PSIP1: variants seen among roughly 807,000 people sequenced by gnomAD.
The protein encoded by PSIP1 is PC4 and SFRS1-interacting protein.
PSIP1 carries 19 observed loss-of-function variants against 74.7 expected under a neutral mutation model. That is an observed-to-expected ratio of 0.25 (90% CI 0.18 to 0.37). The LOEUF (loss-of-function observed/expected upper bound fraction) is 0.37. PSIP1 is among the 10% of genes least tolerant of loss of function. The probability of loss-of-function intolerance (pLI) is 1.00; values close to 1 mark genes in which losing one functional copy is unlikely to be tolerated. For missense variants in PSIP1, 601 were observed against 614.3 expected (o/e 0.98, Z 0.23); for synonymous variants, 222 against 195.3 (o/e 1.14, Z -1.14).
chr9:15,466,727 C>T, intron 15 of PSIP1, 21 bp downstream of exon 15: 1 of 1,557,232 alleles, frequency 6.4e-7, no homozygotes, highest in Non-Finnish European at 8.8e-7. Flanking sequence ...CACACAAGAC[C>T]CATTAAAACC....
At chr9:15,470,751 T>C in intron 10 of PSIP1, 1 of 965,952 alleles carries the variant, frequency 1.0e-6, no homozygotes. Flanking sequence ...TTCTAAAGAA[T>C]TAAACAACAA....
rs1284653164 is a variant in PSIP1 at position 15,510,234 on chromosome 9, G to A, written c.-46C>T. 3 of 1,570,110 alleles carry A rather than the reference G, an allele frequency of 1.9e-6. No homozygotes were observed. The highest frequency in any genetic ancestry group is 2.3e-5 in the South Asian group (2 of 87,716). The stretch of plus-strand genomic sequence containing the variant: ...GGTCCGAAGCCCGGGAGGCGGCGAG[G>A]AGATGCGGCGGCGCGGGGATGCGGG... On this transcript the variant is annotated 5_prime_UTR_variant, in exon 2 of 16. Coordinates refer to ENST00000380733, the MANE Select transcript of PSIP1 (RefSeq NM_033222.5).
At chr9:15,475,286 T>G (rs1482290673) in intron 8 of PSIP1, among the ~76,000 whole-genome samples, 1 of 152,178 alleles carries the variant, frequency 6.6e-6, no homozygotes, top group Admixed American at 6.6e-5. Flanking sequence ...TAAATGAAAG[T>G]AAAAGCATGC....
intron 4 of PSIP1, among the ~76,000 whole-genome samples, chr9:15,488,413 C>T (rs764542159): frequency 1.3e-5 from 2 of 152,170 alleles, no homozygotes; most frequent in African/African-American, 2.4e-5. Flanking sequence ...TACTCGTGCT[C>T]TTCCTAGTTT....
In PSIP1 at chr9:15,490,126, TA is replaced by T; in HGVS notation, c.150-3del. On this transcript the variant is annotated splice_region_variant and splice_polypyrimidine_tract_variant and intron_variant, in intron 3 of 15. Coordinates refer to ENST00000380733, the MANE Select transcript of PSIP1 (RefSeq NM_033222.5). ...ATATCCTTTGGTCCTAAAAAAGCAC[TA>T]AAAAAGAAGTGGGGAAGATGTGAGT... The T allele has an allele frequency of 6.4e-7, 1 of 1,573,852 alleles. No individual in the cohort carries two copies. The highest frequency in any genetic ancestry group is 8.6e-7 in the Non-Finnish European group (1 of 1,165,954).
At chr9:15,469,398 C>T (rs536821526) in intron 11 of PSIP1, 62 bp from the exon 12 acceptor site, 1 of 1,026,894 alleles carries the variant, frequency 9.7e-7, no homozygotes, top group African/African-American at 1.7e-5. Context: ...TTTCTATATA[C>T]AGGCTAAGTA....
rs2035538915 is a variant in PSIP1 at position 15,465,259 on chromosome 9, T to C, written c.*261A>G. On this transcript the variant is annotated 3_prime_UTR_variant, in exon 16 of 16. Coordinates refer to ENST00000380733, the MANE Select transcript of PSIP1 (RefSeq NM_033222.5). ...ATACACACACTAATTGAAAATATGCTACAACCATGTCTGGAAAAGCAGTTT... is the reference window on the plus strand; with the variant it reads ...ATACACACACTAATTGAAAATATGCCACAACCATGTCTGGAAAAGCAGTTT... The C allele has an allele frequency of 5.0e-6, 2 of 401,744 alleles. No individual in the cohort carries two copies. The highest frequency in any genetic ancestry group is 8.8e-6 in the Non-Finnish European group (2 of 228,116). The allele number at this position is 401,744 out of a possible 1,614,324, so 24.9% of individuals were successfully genotyped here. A position where few individuals can be genotyped will look rare whatever the true frequency, so the allele number is the denominator to read the frequency against.
At chr9:15,484,619 C>T (rs2036478426) in intron 6 of PSIP1, among the ~76,000 whole-genome samples, 2 of 151,584 alleles carry the variant, frequency 1.3e-5, no homozygotes, top group African/African-American at 4.8e-5. Context: ...CCCAGCTAAT[C>T]GGGGGGCTGA....
intron 9 of PSIP1, 67 bp downstream of exon 9, chr9:15,473,919 AAAAAAAACAAAAAAAAAACAAAG>A: frequency 1.2e-6 from 1 of 864,216 alleles, no homozygotes; most frequent in Non-Finnish European, 1.6e-6. Flanking sequence ...AAAAAACAAA[AAAAAAAACAAAAAAAAAACAAAG>A]AAAAAACAAA....
intron 3 of PSIP1, among the ~76,000 whole-genome samples, chr9:15,498,971 T>G (rs997164251): frequency 6.6e-6 from 1 of 152,180 alleles, no homozygotes; most frequent in Non-Finnish European, 1.5e-5. Flanking sequence ...AGGATTTGTT[T>G]CCTTCTATAT....
intron 6 of PSIP1, among the ~76,000 whole-genome samples, chr9:15,481,683 C>CAA (rs148073692): frequency 3.3e-5 from 5 of 151,270 alleles, no homozygotes; most frequent in African/African-American, 1.2e-4. Context: ...GACTCCGTCT[C>CAA]AAAAAAAACA....
intron 4 of PSIP1, 57 bp downstream of exon 4, chr9:15,489,929 A>C: frequency 1.5e-6 from 2 of 1,344,798 alleles, no homozygotes; most frequent in Non-Finnish European, 2.0e-6. Flanking sequence ...CAGCTAGGAT[A>C]GTGATTATTC....
At chr9:15,471,869 C>A (rs2035846090) in intron 10 of PSIP1, 5 of 981,304 alleles carry the variant, frequency 5.1e-6, no homozygotes, top group African/African-American at 1.8e-5. Flanking sequence ...AAAACAACAA[C>A]AAAAAAACAA....
In PSIP1 at chr9:15,469,349, A is replaced by G. The variant is rs369217340; in HGVS notation, c.1034-13T>C. On this transcript the variant is annotated splice_polypyrimidine_tract_variant and intron_variant, in intron 11 of 15. Transcript: ENST00000380733. Reference sequence around the variant, plus strand: ...TCCATTGATGTTTCTACAAATTAAAATATGTGAAAAACAGTGAACAGTTTT... The same window carrying G: ...TCCATTGATGTTTCTACAAATTAAAGTATGTGAAAAACAGTGAACAGTTTT... The G allele has an allele frequency of 6.3e-5, 96 of 1,522,424 alleles. No individual in the cohort carries two copies. Among genetic ancestry groups the G allele is most frequent in the Non-Finnish European group, 8.1e-5 (90 of 1,115,946 alleles). The allele number at this position is 1,522,424 out of a possible 1,614,324, so 94.3% of individuals were successfully genotyped here.
In PSIP1 at chr9:15,465,217, A is replaced by G; in HGVS notation, c.*303T>C. 1 of 287,030 alleles carries G rather than the reference A, an allele frequency of 3.5e-6. No homozygotes were observed. Among genetic ancestry groups the G allele is most frequent in the Non-Finnish European group, 6.5e-6 (1 of 154,490 alleles). 17.8% of individuals were successfully genotyped at this position (287,030 alleles called of 1,614,324 possible). A position where few individuals can be genotyped will look rare whatever the true frequency, so the allele number is the denominator to read the frequency against. On this transcript the variant is annotated 3_prime_UTR_variant, in exon 16 of 16. Transcript: ENST00000380733. Reference sequence around the variant, plus strand: ...TTTAAAAATGTAACTTTGTTCTACTATCAATTACACATTAACATACACACA... The same window carrying G: ...TTTAAAAATGTAACTTTGTTCTACTGTCAATTACACATTAACATACACACA...
chr9:15,481,292 C>A (rs2036324756), intron 6 of PSIP1, among the ~76,000 whole-genome samples: 1 of 152,176 alleles, frequency 6.6e-6, no homozygotes, highest in Non-Finnish European at 1.5e-5. Context: ...GTTAAGAGGG[C>A]ATAATTTGTC....
rs548469927 is a variant in PSIP1, at chr9:15,470,469, C to T, written c.978-476G>A. 2.6e-5 allele frequency among the ~76,000 whole-genome samples: 4 copies of T among 152,104 alleles called. No individual in the cohort carries two copies. In the South Asian group the frequency reaches 6.2e-4, roughly 24 times the overall value. Reference sequence around the variant, plus strand: ...TGGCCAATTCATCAAACTTGAATGACGTCCAGTAACATTCACTAACATTTC... The same window carrying T: ...TGGCCAATTCATCAAACTTGAATGATGTCCAGTAACATTCACTAACATTTC... On this transcript the variant is annotated intron_variant, in intron 10 of 15. Coordinates refer to ENST00000380733, the MANE Select transcript of PSIP1 (RefSeq NM_033222.5).
At chr9:15,488,914 G>A (rs575183831) in intron 4 of PSIP1, among the ~76,000 whole-genome samples, 34 of 152,158 alleles carry the variant, frequency 2.2e-4, no homozygotes, top group South Asian at 6.2e-4. Context: ...CCAGCTACTC[G>A]GAAGGCTGAG....
intron 3 of PSIP1, among the ~76,000 whole-genome samples, chr9:15,494,629 T>C (rs936752539): frequency 1.5e-5 from 2 of 133,892 alleles, no homozygotes; most frequent in African/African-American, 5.7e-5. Context: ...TCAGGGTATA[T>C]AAAAGTCAGC....
Sources: gnomAD v4.1 joint callset for allele counts (sites outside exome capture counted in the v4.1 genomes callset) on GRCh38, gnomAD v4.1.1 for gene constraint, MANE v1.5 for transcripts, NCBI Gene and HGNC (gene_info 2026-07-23, HGNC 2026-07-21) for gene names.